The following GLT8D2 variants were observed in gnomAD, a reference collection of about 807,000 sequenced individuals.
GLT8D2 encodes the protein glycosyltransferase 8 domain containing 2.
Under a neutral mutation model 44.5 loss-of-function variants are expected in GLT8D2, and 45 were observed. The ratio of observed to expected loss-of-function variants is 1.01; its 90% CI spans 0.80 to 1.30. GLT8D2 has a LOEUF of 1.30. GLT8D2 is among the 50% of genes most tolerant of loss of function. The probability of loss-of-function intolerance (pLI) is 0.00; values close to 1 mark genes in which losing one functional copy is unlikely to be tolerated. For missense variants in GLT8D2, 400 were observed against 430.4 expected, an observed-to-expected ratio of 0.93 and a Z score of 0.62; for synonymous variants, 156 against 157.2, an observed-to-expected ratio of 0.99 and a Z score of 0.06.
At chr12:104,019,758 C>A in intron 2 of GLT8D2, 82 bp from the exon 3 acceptor site, 1 of 821,612 alleles carries the variant, frequency 1.2e-6, no homozygotes, top group South Asian at 1.6e-5. Context: ...TATGCCTTCC[C>A]TGAAAGACTG....
chr12:103,996,262 T>A (rs936678112), intron 8 of GLT8D2, among the ~76,000 whole-genome samples: 2 of 152,164 alleles, frequency 1.3e-5, no homozygotes, highest in South Asian at 4.1e-4. Context: ...AAAATCAATA[T>A]TTTCTTCTAC....
intron 3 of GLT8D2, 107 bp downstream of exon 3, chr12:104,019,523 G>C: frequency 1.1e-6 from 1 of 893,626 alleles, no homozygotes; most frequent in South Asian, 1.6e-5. Context: ...AACTATCCAT[G>C]AAAATCAAAC....
intron 1 of GLT8D2, among the ~76,000 whole-genome samples, chr12:104,023,245 C>G (rs1878141466): frequency 6.6e-6 from 1 of 152,172 alleles, no homozygotes; most frequent in Non-Finnish European, 1.5e-5. Flanking sequence ...ACACACTTAA[C>G]TATGTAACAA....
intron 1 of GLT8D2, among the ~76,000 whole-genome samples, chr12:104,059,668 C>CATA (rs1882463088): frequency 8.8e-6 from 1 of 113,110 alleles, no homozygotes. Context: ...GAGAGCAGAT[C>CATA]TTGAAGGAGA....
intron 10 of GLT8D2, among the ~76,000 whole-genome samples, chr12:103,990,565 G>C (rs920664941): frequency 6.6e-6 from 1 of 152,082 alleles, no homozygotes; most frequent in East Asian, 1.9e-4. Context: ...AAAGGAATTT[G>C]ATATATATAT....
intron 7 of GLT8D2, among the ~76,000 whole-genome samples, 173 bp downstream of exon 7, chr12:103,997,274 CAGTA>C: frequency 6.6e-6 from 1 of 152,310 alleles, no homozygotes; most frequent in East Asian, 1.9e-4. Flanking sequence ...TGGATTGTCT[CAGTA>C]AGTATCAACC....
At chr12:104,030,852 G>A in intron 1 of GLT8D2, 2 of 1,581,548 alleles carry the variant, frequency 1.3e-6, no homozygotes, top group Non-Finnish European at 1.7e-6. Flanking sequence ...TTCAGCGGCT[G>A]GTACGACGCC....
intron 6 of GLT8D2, among the ~76,000 whole-genome samples, chr12:103,998,934 A>C (rs995888695): frequency 1.3e-5 from 2 of 152,238 alleles, no homozygotes; most frequent in Non-Finnish European, 2.9e-5. Context: ...CTAGGAAAAG[A>C]GATGGTGTCT....
intron 10 of GLT8D2, among the ~76,000 whole-genome samples, chr12:103,992,816 T>C (rs1872929476): frequency 1.3e-5 from 2 of 152,270 alleles, no homozygotes; most frequent in South Asian, 4.1e-4. Flanking sequence ...TAATAGTTCA[T>C]GTTTACTAAG....
At chr12:104,015,164 A>T in intron 3 of GLT8D2, 59 bp from the exon 4 acceptor site, 3 of 1,361,162 alleles carry the variant, frequency 2.2e-6, no homozygotes, top group Non-Finnish European at 3.1e-6. Flanking sequence ...TCACGTGACA[A>T]AGTTTAGAAT....
At chr12:104,059,377 G>A (rs1566218317) in intron 1 of GLT8D2, among the ~76,000 whole-genome samples, 1 of 152,036 alleles carries the variant, frequency 6.6e-6, no homozygotes, top group Non-Finnish European at 1.5e-5. Flanking sequence ...ACTTCACTAA[G>A]TACTCAGGAA....
intron 10 of GLT8D2, among the ~76,000 whole-genome samples, 182 bp from the exon 11 acceptor site, chr12:103,989,759 A>G (rs925132100): frequency 5.9e-5 from 9 of 152,118 alleles, no homozygotes; most frequent in Non-Finnish European, 1.2e-4. Context: ...TCCTTCTAGT[A>G]GTGTTATAGC....
rs190782215 is a variant in GLT8D2, at chr12:103,998,805, C to T, written c.402+592G>A. 2.3e-3 allele frequency among the ~76,000 whole-genome samples: 344 copies of T among 152,248 alleles called. 3 individuals are homozygous for T. Among genetic ancestry groups the T allele is most frequent in the Non-Finnish European group, 3.6e-3 (242 of 68,002 alleles). On this transcript the variant is annotated intron_variant, in intron 6 of 10. Coordinates refer to ENST00000360814, the MANE Select transcript of GLT8D2 (RefSeq NM_001384711.1). ...CAAGCAATCCTCCCCGCTCAGCCTC[C>T]CAAAGTGCTGGGATTACAAGCACGA...
chr12:103,992,784 G>C (rs1566188799), intron 10 of GLT8D2, among the ~76,000 whole-genome samples: 2 of 152,036 alleles, frequency 1.3e-5, no homozygotes, highest in Non-Finnish European at 2.9e-5. Context: ...GAGCCACCAC[G>C]CCCGGCCGAA....
rs367746635 is a variant in GLT8D2, at chr12:103,999,468, C to T, written c.331G>A (p.Val111Met). 9.9e-5 allele frequency: 159 copies of T among 1,613,022 alleles called. No individual in the cohort carries two copies. Among genetic ancestry groups the T allele is most frequent in the African/African-American group, 2.0e-4 (15 of 74,986 alleles). ...SKLREINFKI[V>M]EFNPMVLKGK... ...TTGAGGACCATCGGGTTGAATTCCA[C>T]GATTTTAAAGTTTATTTCTCTCAGT... Residue 111 changes from valine to methionine, a missense_variant, in exon 6 of 11, where the codon GTG becomes ATG. Val to Met is a conservative substitution (Grantham distance 21, BLOSUM62 1). Transcript: ENST00000360814.
chr12:103,990,133 A>ATATATATATATC (rs1170333665), intron 10 of GLT8D2, among the ~76,000 whole-genome samples: 1 of 136,466 alleles, frequency 7.3e-6, no homozygotes, highest in Non-Finnish European at 1.6e-5. Context: ...ATATATATAT[A>ATATATATATATC]TGTAGGATAA....
chr12:103,996,654 A>G (rs1017501161), intron 8 of GLT8D2, 81 bp downstream of exon 8: 7 of 967,226 alleles, frequency 7.2e-6, no homozygotes, highest in Admixed American at 5.9e-5. Flanking sequence ...TGGAGGTTAC[A>G]CTCATTTTGA....
rs965852641 is a variant in GLT8D2 at position 103,989,430 on chromosome 12, A to C, written c.1028T>G (p.Phe343Cys). 1 of 1,611,218 alleles carries C rather than the reference A, an allele frequency of 6.2e-7. No homozygotes were observed. The highest frequency in any genetic ancestry group is 1.3e-5 in the African/African-American group (1 of 74,954). Residue 343 changes from phenylalanine (F) to cysteine (C), a missense_variant, in exon 11 of 11, where the codon TTT (phenylalanine) becomes TGT (cysteine). Physicochemically the swap from Phe to Cys is radical, Grantham distance 205. Coordinates refer to ENST00000360814, the MANE Select transcript of GLT8D2 (RefSeq NM_001384711.1). Reference sequence around the variant, plus strand: ...ATATCAGCTATGGTGATTGAGTTTAAATATCCCTGCAGGGTCAGGAACAAA... The same window carrying C: ...ATATCAGCTATGGTGATTGAGTTTACATATCCCTGCAGGGTCAGGAACAAA... Reference protein sequence around the residue: ...SWFVPDPAGIFKLNHHS With the variant: ...SWFVPDPAGICKLNHHS
Position 104,016,762 on chromosome 12 carries a change from A to G in GLT8D2, c.20-1657T>C, listed in dbSNP as rs866169821. Among the ~76,000 whole-genome samples, 464 of 91,388 alleles carry G rather than the reference A, an allele frequency of 5.1e-3. 17 individuals carry two copies. Among genetic ancestry groups the G allele is most frequent in the East Asian group, 0.049 (173 of 3,540 alleles). The allele number at this position is 91,388 out of a possible 152,430, so 60.0% of individuals were successfully genotyped here. On this transcript the variant is annotated intron_variant, in intron 3 of 10. Transcript: ENST00000360814. Reference sequence around the variant, plus strand: ...AAGAAAGAAAGAAAGAAAGAAAGAAAGAAAGAAAGAAAGAAGGAAGGAAGG... The same window carrying G: ...AAGAAAGAAAGAAAGAAAGAAAGAAGGAAAGAAAGAAAGAAGGAAGGAAGG...
Sources: gnomAD v4.1 joint callset for allele counts (sites outside exome capture counted in the v4.1 genomes callset) on GRCh38, gnomAD v4.1.1 for gene constraint, MANE v1.5 for transcripts, NCBI Gene and HGNC (gene_info 2026-07-23, HGNC 2026-07-21) for gene names.